Variants in BIRC6 observed in about 807,000 individuals in gnomAD.
The protein encoded by BIRC6 is dual E2 ubiquitin-conjugating enzyme/E3 ubiquitin-protein ligase BIRC6.
A neutral mutation model predicts 503.3 loss-of-function variants in BIRC6; 98 were observed. The observed-to-expected ratio is 0.19, with a 90% confidence interval of 0.17 to 0.23. The LOEUF (loss-of-function observed/expected upper bound fraction) is 0.23, where lower values mean the gene tolerates loss of function less well. Among genes scored for constraint, BIRC6 ranks in the 10% least tolerant of loss-of-function variants. The pLI, the probability that BIRC6 is intolerant of heterozygous loss-of-function variation, is 1.00. For synonymous variants in BIRC6, 2,240 were observed against 2,078.7 expected (o/e 1.08, Z -2.11); for missense variants, 5,360 against 5,806.0 (o/e 0.92, Z 2.50).
At chr2:32,551,697 G>T (rs190734746) in intron 65 of BIRC6, among the ~76,000 whole-genome samples, 5 of 152,132 alleles carry the variant, frequency 3.3e-5, no homozygotes, top group African/African-American at 4.8e-5. Flanking sequence ...TTTCATTTGC[G>T]TATATAGTAT....
intron 28 of BIRC6, 47 bp downstream of exon 28, chr2:32,468,158 ATAT>A (rs2048753982): frequency 1.3e-6 from 2 of 1,540,270 alleles, no homozygotes; most frequent in African/African-American, 1.4e-5. Context: ...TTTGTATTTT[ATAT>A]AATGTCTTGC....
intron 1 of BIRC6, among the ~76,000 whole-genome samples, chr2:32,365,464 C>T (rs2034765987): frequency 6.6e-6 from 1 of 151,890 alleles, no homozygotes; most frequent in Non-Finnish European, 1.5e-5. Flanking sequence ...GGATTACAGG[C>T]GTGCGCCTGC....
intron 65 of BIRC6, among the ~76,000 whole-genome samples, chr2:32,551,076 T>G (rs964535949): frequency 6.6e-6 from 1 of 152,060 alleles, no homozygotes. Context: ...GATAATACCT[T>G]ATATTAAGAT....
At chr2:32,549,810 T>G (rs2058312062) in intron 65 of BIRC6, among the ~76,000 whole-genome samples, 1 of 152,190 alleles carries the variant, frequency 6.6e-6, no homozygotes, top group Non-Finnish European at 1.5e-5. Context: ...TATGGTCAAA[T>G]TTCTATGGAT....
intron 70 of BIRC6, 139 bp downstream of exon 70, chr2:32,600,039 T>G: frequency 1.3e-6 from 1 of 769,882 alleles, no homozygotes; most frequent in Non-Finnish European, 2.0e-6. Context: ...ACGTCCAGAT[T>G]AGCTTAAGCA....
In BIRC6 at chr2:32,493,617, G is replaced by C. The variant is rs998546008; in HGVS notation, c.8418G>C (p.Gln2806His). Residue 2806 changes from glutamine (Q) to histidine (H), a missense_variant, in exon 45 of 74, where the codon CAG (glutamine) becomes CAC (histidine). Around this residue, in one of 16 missense-constraint regions of BIRC6, gnomAD observed 2,299 missense variants for 2,267.2 expected, o/e 1.01. Transcript: ENST00000421745. ...LQVHLSSTCP[Q>H]IFSEFLLKLI... ...TGCATCTTTCTTCAACATGTCCTCA[G>C]ATATTCAGTGAATTTTTGCTCAAGC... The C allele has an allele frequency of 6.2e-7, 1 of 1,608,670 alleles. No individual in the cohort carries two copies. Among genetic ancestry groups the C allele is most frequent in the African/African-American group, 1.3e-5 (1 of 74,982 alleles).
chr2:32,455,782 A>T (rs1421462548), intron 23 of BIRC6, among the ~76,000 whole-genome samples: 4 of 152,220 alleles, frequency 2.6e-5, no homozygotes, highest in African/African-American at 9.7e-5. Context: ...CAAAGCAAGC[A>T]ATGGAACGAG....
chr2:32,515,050 C>T lies in BIRC6; in HGVS notation c.10629C>T (p.Asp3543=). ...ATATGGTTTTGAAGAAAGCTGTTGA[C>T]AGTCTACTTTGCTCAATGTGTCACG... The part of the protein sequence containing the change: ...PCNMVLKKAV[D]SLLCSMCHVH... Residue 3543 remains aspartate (D), a synonymous_variant, in exon 55 of 74, where the codon GAC becomes GAT. Transcript: ENST00000421745. 3 of 1,613,920 alleles carry T rather than the reference C, an allele frequency of 1.9e-6. No homozygotes were observed.
intron 66 of BIRC6, among the ~76,000 whole-genome samples, chr2:32,583,314 T>A (rs1559103613): frequency 6.6e-6 from 1 of 152,216 alleles, no homozygotes; most frequent in Non-Finnish European, 1.5e-5. Flanking sequence ...GTTTTAATAT[T>A]TTTTGGTTCA....
At position 32,491,548 on chromosome 2, in the gene BIRC6, A is replaced by G. The variant is rs1278803249; in HGVS notation, c.8330A>G (p.His2777Arg). Reference protein sequence around the residue: ...SGTSPHGTNQHSPQVGPTATQ... With the variant: ...SGTSPHGTNQRSPQVGPTATQ... ...ACCAGTCCACATGGAACAAATCAACACAGTCCACAGGTAATATGATGTTTA... is the reference window on the plus strand; with the variant it reads ...ACCAGTCCACATGGAACAAATCAACGCAGTCCACAGGTAATATGATGTTTA... The change falls in exon 44 of 74, where the codon CAC (histidine) becomes CGC (arginine). Residue 2777 changes from histidine (H) to arginine (R), a missense_variant. Physicochemically the swap from His to Arg is conservative, Grantham distance 29. Around this residue, in one of 16 missense-constraint regions of BIRC6, gnomAD observed 2,299 missense variants for 2,267.2 expected, o/e 1.01. Coordinates refer to ENST00000421745, the MANE Select transcript of BIRC6 (RefSeq NM_016252.4). 1 of 1,613,260 alleles carries G rather than the reference A, an allele frequency of 6.2e-7. No individual in the cohort carries two copies. Among genetic ancestry groups the G allele is most frequent in the East Asian group, 2.2e-5 (1 of 44,862 alleles).
At chr2:32,420,376 A>G (rs751132649) in intron 10 of BIRC6, among the ~76,000 whole-genome samples, 8 of 152,138 alleles carry the variant, frequency 5.3e-5, no homozygotes, top group Non-Finnish European at 7.3e-5. Flanking sequence ...GAATATACAC[A>G]TTCAATTATG....
chr2:32,434,421 G>A (rs2038534), intron 13 of BIRC6, among the ~76,000 whole-genome samples: 50,389 of 151,862 alleles, frequency 0.33, 9,050 homozygotes, highest in Non-Finnish European at 0.41. Context: ...TTACATATAC[G>A]CCTGGCACTC....
In BIRC6 at chr2:32,485,565, GTCA is replaced by G; in HGVS notation, c.7697-73_7697-71del. 4 of 944,928 alleles carry G rather than the reference GTCA, an allele frequency of 4.2e-6. 1 individual carries two copies. In the South Asian group the frequency reaches 6.0e-5, roughly 14 times the overall value. 58.5% of individuals were successfully genotyped at this position (944,928 alleles called of 1,614,324 possible). A position where few individuals can be genotyped will look rare whatever the true frequency, so the allele number is the denominator to read the frequency against. ...TCTTCATCCTCTCTTGGGTTCAGAT[GTCA>G]TCATTTTATTGTAGGAGGTAGGACA... On this transcript the variant is annotated intron_variant, in intron 39 of 73. Coordinates refer to ENST00000421745, the MANE Select transcript of BIRC6 (RefSeq NM_016252.4).
At position 32,473,706 on chromosome 2, in the gene BIRC6, C is replaced by CGTGTGTGTGT. The variant is rs70938348; in HGVS notation, c.6720+502_6720+511dup. Among the ~76,000 whole-genome samples the CGTGTGTGTGT allele has an allele frequency of 6.9e-4, 50 of 72,686 alleles. 1 individual carries two copies. The highest frequency in any genetic ancestry group is 3.7e-3 in the East Asian group (9 of 2,456). 47.7% of individuals were successfully genotyped at this position (72,686 alleles called of 152,430 possible). A position where few individuals can be genotyped will look rare whatever the true frequency, so the allele number is the denominator to read the frequency against. ...TTTCCATGTCTTTTTTCTCCTTTTTCGTGTGTGTGTGTGTGTGTGTGTGTG... is the reference window on the plus strand; with the variant it reads ...TTTCCATGTCTTTTTTCTCCTTTTTCGTGTGTGTGTGTGTGTGTGTGTGTGTGTGTGTGTG... On this transcript the variant is annotated intron_variant, in intron 33 of 73. Coordinates refer to ENST00000421745, the MANE Select transcript of BIRC6 (RefSeq NM_016252.4).
At chr2:32,389,447 G>A (rs1243211429) in intron 4 of BIRC6, among the ~76,000 whole-genome samples, 2 of 150,508 alleles carry the variant, frequency 1.3e-5, no homozygotes, top group South Asian at 2.1e-4. Flanking sequence ...TATGCTGCTC[G>A]CCCTGGATTT....
intron 57 of BIRC6, among the ~76,000 whole-genome samples, chr2:32,520,720 G>A (rs2055564549): frequency 6.6e-6 from 1 of 152,170 alleles, no homozygotes; most frequent in African/African-American, 2.4e-5. Context: ...GGGGGACTGA[G>A]GTAGGAAAAT....
intron 65 of BIRC6, among the ~76,000 whole-genome samples, chr2:32,553,418 C>T (rs1232580542): frequency 1.3e-5 from 2 of 151,454 alleles, no homozygotes; most frequent in African/African-American, 4.9e-5. Context: ...GACAGAGTCT[C>T]ATTCTGTCGC....
At chr2:32,588,444 C>T (rs1244015097) in intron 66 of BIRC6, among the ~76,000 whole-genome samples, 1 of 151,994 alleles carries the variant, frequency 6.6e-6, no homozygotes, top group Non-Finnish European at 1.5e-5. Flanking sequence ...ATTTGGTATC[C>T]ACTTTCGTAG....
At chr2:32,466,202 C>G (rs1032969196) in intron 26 of BIRC6, among the ~76,000 whole-genome samples, 5 of 151,974 alleles carry the variant, frequency 3.3e-5, no homozygotes. Flanking sequence ...AGTTGTTTTC[C>G]TTCACTATAA....
Sources: gnomAD v4.1 joint callset for allele counts (sites outside exome capture counted in the v4.1 genomes callset) on GRCh38, gnomAD v4.1.1 for gene constraint, gnomAD v4.1.1 regional missense constraint, MANE v1.5 for transcripts, NCBI Gene and HGNC (gene_info 2026-07-23, HGNC 2026-07-21) for gene names.